Variants in CCDC169 observed in about 807,000 individuals in gnomAD.
CCDC169 encodes coiled-coil domain containing 169.
In CCDC169, 30 loss-of-function variants were observed where a neutral mutation model predicts 36.0. The ratio of observed to expected loss-of-function variants is 0.83; its 90% CI spans 0.62 to 1.13. The LOEUF (loss-of-function observed/expected upper bound fraction) is 1.13. Ranked by LOEUF, CCDC169 falls within the 50% of genes most tolerant of loss-of-function variation. CCDC169 has a pLI of 0.00. For missense variants in CCDC169, 245 were observed against 245.9 expected (o/e 1.00, Z 0.03); for synonymous variants, 85 against 81.5 (o/e 1.04, Z -0.23).
intron 6 of CCDC169, among the ~76,000 whole-genome samples, chr13:36,251,363 C>T (rs1369650095): frequency 7.3e-6 from 1 of 137,482 alleles, no homozygotes; most frequent in Admixed American, 7.5e-5. Context: ...ACAATTCACT[C>T]TAGAGTGAAA....
At chr13:36,258,764 T>G (rs2138504731) in intron 4 of CCDC169, among the ~76,000 whole-genome samples, 1 of 152,316 alleles carries the variant, frequency 6.6e-6, no homozygotes, top group South Asian at 2.1e-4. Flanking sequence ...GCTGCTCTGC[T>G]GATGGAGTGG....
At chr13:36,257,602 C>T (rs1030707991) in intron 4 of CCDC169, among the ~76,000 whole-genome samples, 2 of 151,940 alleles carry the variant, frequency 1.3e-5, no homozygotes, top group African/African-American at 4.8e-5. Context: ...ACTCGAGAGA[C>T]TGAGGCAAGT....
intron 7 of CCDC169, among the ~76,000 whole-genome samples, chr13:36,241,196 A>G (rs1050577518): frequency 4.6e-5 from 7 of 152,200 alleles, no homozygotes; most frequent in Non-Finnish European, 7.4e-5. Flanking sequence ...TGGGTAAGTC[A>G]ATATTTTAAT....
downstream of CCDC169, chr13:36,223,313 T>G (rs1385937692): frequency 1.3e-5 from 2 of 152,208 alleles, no homozygotes; most frequent in Non-Finnish European, 2.9e-5. Context: ...GAATCCTTCG[T>G]ATACTATTCC....
chr13:36,236,759 T>C (rs894384744), intron 7 of CCDC169, among the ~76,000 whole-genome samples: 1 of 152,056 alleles, frequency 6.6e-6, no homozygotes, highest in Admixed American at 6.6e-5. Flanking sequence ...CAATGCAATA[T>C]AATAGAGACA....
intron 4 of CCDC169, among the ~76,000 whole-genome samples, chr13:36,261,122 C>T (rs1874555785): frequency 6.6e-6 from 1 of 152,152 alleles, no homozygotes; most frequent in Non-Finnish European, 1.5e-5. Context: ...GTGTAAGAGG[C>T]ATTAAACCAA....
intron 2 of CCDC169, among the ~76,000 whole-genome samples, chr13:36,290,279 T>A (rs1224449831): frequency 6.6e-6 from 1 of 152,170 alleles, no homozygotes; most frequent in East Asian, 1.9e-4. Flanking sequence ...TTTGCCTCTA[T>A]CTAAAATAAT....
chr13:36,265,558 G>C (rs1410570185), intron 4 of CCDC169, among the ~76,000 whole-genome samples: 2 of 152,166 alleles, frequency 1.3e-5, no homozygotes, highest in Non-Finnish European at 2.9e-5. Flanking sequence ...CATTAGGCTG[G>C]CAAATTAAAG....
At chr13:36,296,839 G>C (rs1447949401) in intron 1 of CCDC169, among the ~76,000 whole-genome samples, 1 of 152,194 alleles carries the variant, frequency 6.6e-6, no homozygotes, top group Non-Finnish European at 1.5e-5. Context: ...TCTTAGAGCT[G>C]AGAAAACTGA....
At chr13:36,283,429 C>T (rs1197510639) in intron 4 of CCDC169, 40 bp downstream of exon 4, 3 of 1,507,796 alleles carry the variant, frequency 2.0e-6, no homozygotes, top group African/African-American at 2.8e-5. Flanking sequence ...GACATAATTT[C>T]CTTCAATTAT....
intron 7 of CCDC169, among the ~76,000 whole-genome samples, chr13:36,241,026 C>T (rs1337882547): frequency 6.6e-5 from 10 of 152,048 alleles, no homozygotes; most frequent in African/African-American, 2.2e-4. Flanking sequence ...CACAGTAGGA[C>T]TATAATAGCT....
At chr13:36,239,042 A>G (rs1871425147) in intron 7 of CCDC169, among the ~76,000 whole-genome samples, 1 of 152,040 alleles carries the variant, frequency 6.6e-6, no homozygotes, top group South Asian at 2.1e-4. Context: ...CCAGCCTGAA[A>G]AAACATGGCA....
chr13:36,232,240 G>A (rs187453555), intron 7 of CCDC169, among the ~76,000 whole-genome samples: 64 of 152,268 alleles, frequency 4.2e-4, no homozygotes, highest in African/African-American at 1.5e-3. Flanking sequence ...ACCATAAGAG[G>A]TGGAATAGGG....
chr13:36,297,093 G>C (rs766975776), intron 1 of CCDC169, among the ~76,000 whole-genome samples: 6 of 152,278 alleles, frequency 3.9e-5, no homozygotes, highest in Non-Finnish European at 5.9e-5. Context: ...AGGCACAAAG[G>C]AGAGTCCAAT....
intron 2 of CCDC169, among the ~76,000 whole-genome samples, chr13:36,295,149 G>A (rs1012818496): frequency 6.6e-6 from 1 of 152,090 alleles, no homozygotes; most frequent in Admixed American, 6.5e-5. Context: ...ATTCTGTTAG[G>A]TTTCCCTTCC....
chr13:36,241,883 G>A (rs1040700847), intron 7 of CCDC169, among the ~76,000 whole-genome samples: 3 of 152,144 alleles, frequency 2.0e-5, no homozygotes, highest in Non-Finnish European at 2.9e-5. Context: ...GTGACCCAGT[G>A]GGAGATAATT....
chr13:36,257,852 C>T (rs1394319052), intron 4 of CCDC169, among the ~76,000 whole-genome samples: 2 of 151,786 alleles, frequency 1.3e-5, no homozygotes, highest in Non-Finnish European at 2.9e-5. Context: ...TTGTTGTCTA[C>T]TCTGACTTAG....
chr13:36,230,387 G>A (rs1413532498), downstream of CCDC169, among the ~76,000 whole-genome samples: 1 of 152,164 alleles, frequency 6.6e-6, no homozygotes, highest in East Asian at 1.9e-4. Context: ...TTTTATAAAT[G>A]CCTCAAAAGA....
intron 4 of CCDC169, among the ~76,000 whole-genome samples, chr13:36,266,272 C>T (rs889936625): frequency 1.3e-4 from 20 of 152,236 alleles, no homozygotes; most frequent in Admixed American, 9.8e-4. Flanking sequence ...GAGGTGGGTG[C>T]AGCTCCTGAG....
Sources: gnomAD v4.1 joint callset for allele counts (sites outside exome capture counted in the v4.1 genomes callset) on GRCh38, gnomAD v4.1.1 for gene constraint, MANE v1.5 for transcripts, NCBI Gene and HGNC (gene_info 2026-07-23, HGNC 2026-07-21) for gene names.